DNAH12: variants seen among roughly 807,000 people sequenced by gnomAD.
DNAH12 encodes the protein axonemal beta dynein heavy chain 12.
A neutral mutation model predicts 371.5 loss-of-function variants in DNAH12; 285 were observed. That is an observed-to-expected ratio of 0.77 (90% confidence interval 0.70 to 0.85). DNAH12 has a LOEUF of 0.85. Among genes scored for constraint, DNAH12 ranks in the 40% least tolerant of loss-of-function variants. DNAH12 has a pLI of 0.00. For missense variants in DNAH12, 3,611 were observed against 3,689.4 expected (o/e 0.98, Z 0.55); for synonymous variants, 1,200 against 1,213.0 (o/e 0.99, Z 0.22).
chr3:57,439,231 A>C (rs1371599439), intron 29 of DNAH12, among the ~76,000 whole-genome samples: 1 of 152,192 alleles, frequency 6.6e-6, no homozygotes. Context: ...GGAACCAAAA[A>C]GGAGCCTGAA....
At chr3:57,554,077 A>C in the DNAH12 span, among the ~76,000 whole-genome samples, 1 of 151,384 alleles carries the variant, frequency 6.6e-6, no homozygotes, top group East Asian at 1.9e-4. Context: ...TTTAGTAGAG[A>C]CGGCGTTTTA....
Position 57,352,084 on chromosome 3 carries a change from CAGA to C in DNAH12, c.9672_9674del (p.Leu3225del), listed in dbSNP as rs1290505089. Reference sequence around the variant, plus strand: ...AATTATGGTAAAAGCAAGTAACTTACAGAAGAAGATTGGCACATAATAAAAAGG... The same window carrying C: ...AATTATGGTAAAAGCAAGTAACTTACAGAAGATTGGCACATAATAAAAAGG... On this transcript the variant is annotated inframe_deletion and splice_region_variant, in exon 60 of 74. Coordinates refer to ENST00000495027, the MANE Select transcript of DNAH12 (RefSeq NM_001366028.2). 63 of 1,502,924 alleles carry C rather than the reference CAGA, an allele frequency of 4.2e-5. No homozygotes were observed. The highest frequency in any genetic ancestry group is 5.3e-5 in the Non-Finnish European group (60 of 1,133,360). The allele number at this position is 1,502,924 out of a possible 1,614,324, so 93.1% of individuals were successfully genotyped here.
chr3:57,535,986 G>A (rs530965514), intron 2 of DNAH12, among the ~76,000 whole-genome samples: 45 of 151,956 alleles, frequency 3.0e-4, no homozygotes, highest in Middle Eastern at 3.4e-3. Context: ...ATAGGCATCC[G>A]CCACCATGCT....
chr3:57,491,061 G>C (rs148163603), intron 11 of DNAH12, among the ~76,000 whole-genome samples: 1 of 114,460 alleles, frequency 8.7e-6, no homozygotes, highest in Non-Finnish European at 1.6e-5. Context: ...CAGCCTGGAA[G>C]ACAGAGCGAG....
chr3:57,305,217 C>G (rs2061443901), intron 69 of DNAH12, among the ~76,000 whole-genome samples: 3 of 152,104 alleles, frequency 2.0e-5, no homozygotes, highest in Admixed American at 2.0e-4. Context: ...AGTCTCTGTT[C>G]CCGATGCGAC....
At chr3:57,464,400 C>T (rs191158605) in intron 17 of DNAH12, among the ~76,000 whole-genome samples, 2 of 152,164 alleles carry the variant, frequency 1.3e-5, no homozygotes, top group Non-Finnish European at 2.9e-5. Context: ...TGGGACCGTC[C>T]GCATTCATTA....
intron 32 of DNAH12, among the ~76,000 whole-genome samples, chr3:57,433,012 T>C (rs987394034): frequency 1.6e-4 from 24 of 152,260 alleles, no homozygotes; most frequent in African/African-American, 4.8e-4. Context: ...GCTGAAGCAT[T>C]CCATGTTTTC....
chr3:57,411,291 G>T (rs868957032), intron 39 of DNAH12, among the ~76,000 whole-genome samples: 1 of 152,006 alleles, frequency 6.6e-6, no homozygotes, highest in South Asian at 2.1e-4. Context: ...ATTTTGGGAG[G>T]CCGAGGAAGG....
intron 44 of DNAH12, among the ~76,000 whole-genome samples, chr3:57,393,683 G>C (rs1200184163): frequency 7.0e-6 from 1 of 143,356 alleles, no homozygotes; most frequent in Admixed American, 6.9e-5. Context: ...AAAAAGAAAT[G>C]AGGGTTAAAG....
intron 28 of DNAH12, 84 bp from the exon 29 acceptor site, chr3:57,444,900 G>A (rs1157480254): frequency 1.6e-5 from 21 of 1,332,966 alleles, no homozygotes; most frequent in Middle Eastern, 4.0e-4. Flanking sequence ...GCCCCGGCCT[G>A]CCCCACCCCA....
At chr3:57,512,907 G>A (rs1172841992) in intron 4 of DNAH12, among the ~76,000 whole-genome samples, 1 of 152,094 alleles carries the variant, frequency 6.6e-6, no homozygotes, top group Non-Finnish European at 1.5e-5. Flanking sequence ...GGGAGGCCGA[G>A]GCGGGTGGAT....
chr3:57,549,570 C>T, the DNAH12 span, among the ~76,000 whole-genome samples: 1 of 151,848 alleles, frequency 6.6e-6, no homozygotes, highest in African/African-American at 2.4e-5. Context: ...GTTTCTCTCT[C>T]TCTCTCTTCT....
At chr3:57,390,424 A>AATATATATATATATATATATAT (rs1159621191) in intron 45 of DNAH12, among the ~76,000 whole-genome samples, 2 of 33,428 alleles carry the variant, frequency 6.0e-5, no homozygotes, top group Non-Finnish European at 1.4e-4. Flanking sequence ...AAAAAAAAAA[A>AATATATATATATATATATATAT]ATATATATAT....
At chr3:57,499,630 CAAAAAAAAA>C (rs1220632097) in intron 11 of DNAH12, among the ~76,000 whole-genome samples, 1 of 14,884 alleles carries the variant, frequency 6.7e-5, no homozygotes, top group African/African-American at 3.4e-4. Context: ...ACCATCTCTA[CAAAAAAAAA>C]AAAAAAAAAT....
chr3:57,376,554 C>T (rs1378713241), intron 53 of DNAH12, among the ~76,000 whole-genome samples: 2 of 152,132 alleles, frequency 1.3e-5, no homozygotes, highest in Non-Finnish European at 1.5e-5. Flanking sequence ...GCTGTCCAAT[C>T]CAAGTAAATA....
chr3:57,323,310 A>C lies in DNAH12; in HGVS notation c.10130-50T>G, dbSNP rs2061852883. ...CACACTACTTACTCTAAAATTATAAAAAAGTGCCTTATGTATAGGTGTTTT... is the reference window on the plus strand; with the variant it reads ...CACACTACTTACTCTAAAATTATAACAAAGTGCCTTATGTATAGGTGTTTT... On this transcript the variant is annotated intron_variant, in intron 63 of 73. Transcript: ENST00000495027. The C allele has an allele frequency of 3.9e-6, 6 of 1,523,476 alleles. 1 individual carries two copies. Among genetic ancestry groups the C allele is most frequent in the Non-Finnish European group, 5.3e-6 (6 of 1,136,874 alleles). The allele number at this position is 1,523,476 out of a possible 1,614,324, so 94.4% of individuals were successfully genotyped here.
At chr3:57,398,523 A>G (rs2063791056) in intron 43 of DNAH12, among the ~76,000 whole-genome samples, 3 of 152,370 alleles carry the variant, frequency 2.0e-5, no homozygotes, top group South Asian at 4.1e-4. Flanking sequence ...AAAGTCAGAT[A>G]CAAAGAGAAA....
chr3:57,469,657 A>G (rs1341977370), intron 16 of DNAH12, among the ~76,000 whole-genome samples: 1 of 152,256 alleles, frequency 6.6e-6, no homozygotes, highest in Non-Finnish European at 1.5e-5. Context: ...ACCTTAAAAA[A>G]GGATGAAATC....
chr3:57,546,867 G>C (rs2069583074), upstream of DNAH12, among the ~76,000 whole-genome samples: 1 of 152,088 alleles, frequency 6.6e-6, no homozygotes, highest in Admixed American at 6.6e-5. Flanking sequence ...AAAGATTTAG[G>C]CCTGGCAAAG....
Sources: allele counts gnomAD v4.1 joint callset (sites outside exome capture counted in the v4.1 genomes callset), GRCh38; gene constraint gnomAD v4.1.1; transcripts MANE v1.5; gene names NCBI Gene and HGNC (gene_info 2026-07-23, HGNC 2026-07-21).